ZNF713: variants seen among roughly 807,000 people sequenced by gnomAD.
ZNF713 encodes zinc finger protein 713.
In ZNF713, 21 loss-of-function variants were observed where a neutral mutation model predicts 28.7. The observed-to-expected ratio is 0.73, with a 90% CI of 0.52 to 1.05. ZNF713 has a LOEUF of 1.05. Ranked by LOEUF, ZNF713 falls within the 50% of genes least tolerant of loss-of-function variation. The pLI is 0.00. For missense variants in ZNF713, 458 were observed against 532.4 expected (o/e 0.86, Z 1.37); for synonymous variants, 167 against 178.0 (o/e 0.94, Z 0.49).
intron 4 of ZNF713, chr7:55,918,186 C>T (rs1453364468): frequency 2.2e-6 from 1 of 449,546 alleles, no homozygotes; most frequent in Non-Finnish European, 4.5e-6. Context: ...ACCCGACCAC[C>T]TTGTCAGGAG....
chr7:55,889,001 A>G (rs1266860702), intron 1 of ZNF713, among the ~76,000 whole-genome samples: 1 of 152,112 alleles, frequency 6.6e-6, no homozygotes, highest in Non-Finnish European at 1.5e-5. Context: ...GCAGTGAGCC[A>G]GTCACTGCAC....
In ZNF713 at chr7:55,887,868, C is replaced by A. The variant is rs1247323779; in HGVS notation, c.-583+188C>A. 2.6e-4 allele frequency among the ~76,000 whole-genome samples: 2 copies of A among 7,606 alleles called. 1 individual carries two copies. Among genetic ancestry groups the A allele is most frequent in the South Asian group, 9.2e-3 (2 of 218 alleles). 5.0% of individuals were successfully genotyped at this position (7,606 alleles called of 152,430 possible). On this transcript the variant is annotated intron_variant, in intron 1 of 6. Transcript: ENST00000429591. ...GGCGGCGGCGGCGGGCGGCGGGCGG[C>A]GGCGGCGGCGGCGGCGGCGGGCGGC...
intron 6 of ZNF713, among the ~76,000 whole-genome samples, chr7:55,938,020 A>G (rs1252050410): frequency 6.6e-6 from 1 of 152,174 alleles, no homozygotes; most frequent in Non-Finnish European, 1.5e-5. Context: ...CCTGGCCAAC[A>G]TGGTGAAACC....
chr7:55,894,410 G>T (rs910210566), intron 1 of ZNF713, among the ~76,000 whole-genome samples: 1 of 152,100 alleles, frequency 6.6e-6, no homozygotes, highest in Non-Finnish European at 1.5e-5. Context: ...TGGAAAAATG[G>T]ACAGATGACA....
In ZNF713 at chr7:55,939,600, C is replaced by CA. The variant is rs757622810; in HGVS notation, c.927dup (p.Gly310ArgfsTer34). The CA allele has an allele frequency of 1.1e-5, 17 of 1,614,050 alleles. No homozygotes were observed. In the South Asian group the frequency reaches 1.9e-4, roughly 18 times the overall value. Reference sequence around the variant, plus strand: ...CTCATTCAACATCAGAGAATTCACACAGGAGAAAAGCCTTTTATATGCAAT... The same window carrying CA: ...CTCATTCAACATCAGAGAATTCACACAAGGAGAAAAGCCTTTTATATGCAAT... On this transcript the variant is annotated frameshift_variant, in exon 7 of 7. Coordinates refer to ENST00000429591, the MANE Select transcript of ZNF713 (RefSeq NM_182633.3). LOFTEE classifies it high-confidence loss of function.
chr7:55,903,956 G>A (rs1785627376), intron 1 of ZNF713, among the ~76,000 whole-genome samples: 1 of 152,150 alleles, frequency 6.6e-6, no homozygotes, highest in Non-Finnish European at 1.5e-5. Context: ...AATTTTAAGT[G>A]TGGGACTGAT....
At chr7:55,919,495 T>TG (rs1785947309) in intron 4 of ZNF713, among the ~76,000 whole-genome samples, 3 of 27,514 alleles carry the variant, frequency 1.1e-4, no homozygotes, top group African/African-American at 2.1e-4. Flanking sequence ...CTCCAGTTTT[T>TG]TTTTTTTTTT....
At chr7:55,924,216 C>G (rs988244103) in intron 6 of ZNF713, 4 of 152,600 alleles carry the variant, frequency 2.6e-5, no homozygotes, top group Non-Finnish European at 5.9e-5. Flanking sequence ...CTCTTGCTCT[C>G]CTTTGTGATA....
chr7:55,919,202 A>G (rs1785938836), intron 4 of ZNF713, among the ~76,000 whole-genome samples: 1 of 152,222 alleles, frequency 6.6e-6, no homozygotes, highest in Non-Finnish European at 1.5e-5. Context: ...AAACTTTCTC[A>G]TTCACATCTG....
intron 1 of ZNF713, among the ~76,000 whole-genome samples, chr7:55,895,388 G>A (rs1415531461): frequency 6.7e-6 from 1 of 149,150 alleles, no homozygotes; most frequent in Non-Finnish European, 1.5e-5. Context: ...TGATAGAAGA[G>A]TTAGAATTAA....
intron 4 of ZNF713, among the ~76,000 whole-genome samples, 163 bp from the exon 5 acceptor site, chr7:55,922,999 G>A (rs1333568284): frequency 2.0e-5 from 3 of 152,126 alleles, no homozygotes; most frequent in Non-Finnish European, 4.4e-5. Flanking sequence ...ATGATAGAAA[G>A]GTACTAATTT....
At chr7:55,925,259 G>A (rs555744694) in intron 6 of ZNF713, among the ~76,000 whole-genome samples, 30 of 152,204 alleles carry the variant, frequency 2.0e-4, no homozygotes, top group Middle Eastern at 3.4e-3. Flanking sequence ...CAAACTCTTC[G>A]GCTTTTTCAA....
intron 4 of ZNF713, among the ~76,000 whole-genome samples, chr7:55,920,101 G>T (rs1480267806): frequency 6.6e-6 from 1 of 152,104 alleles, no homozygotes; most frequent in Non-Finnish European, 1.5e-5. Context: ...ACCCTACAAT[G>T]GCCTCTGAGC....
chr7:55,887,871 C>CGGGA lies in ZNF713; in HGVS notation c.-583+193_-583+194insGAGG, dbSNP rs1349197306. ...GGCGGCGGCGGGCGGCGGGCGGCGG[C>CGGGA]GGCGGCGGCGGCGGCGGGCGGCGGC... is the stretch of plus-strand genomic sequence containing the variant. On this transcript the variant is annotated intron_variant, in intron 1 of 6. Transcript: ENST00000429591. Among the ~76,000 whole-genome samples the CGGGA allele has an allele frequency of 4.4e-3, 12 of 2,746 alleles. 3 individuals carry two copies. Among genetic ancestry groups the CGGGA allele is most frequent in the African/African-American group, 9.0e-3 (5 of 556 alleles). 1.8% of individuals were successfully genotyped at this position (2,746 alleles called of 152,430 possible).
At chr7:55,932,932 A>G (rs1374956130) in intron 6 of ZNF713, among the ~76,000 whole-genome samples, 1 of 145,778 alleles carries the variant, frequency 6.9e-6, no homozygotes, top group Non-Finnish European at 1.5e-5. Flanking sequence ...CTAAATGTGA[A>G]TTGGTTAAAA....
At chr7:55,895,267 G>C (rs182654673) in intron 1 of ZNF713, among the ~76,000 whole-genome samples, 1 of 152,078 alleles carries the variant, frequency 6.6e-6, no homozygotes, top group Admixed American at 6.6e-5. Context: ...AAGGGAATAC[G>C]TATACCAGAA....
intron 1 of ZNF713, among the ~76,000 whole-genome samples, chr7:55,892,871 GA>G (rs1194009107): frequency 2.9e-3 from 354 of 123,598 alleles, no homozygotes; most frequent in Non-Finnish European, 3.4e-3. Flanking sequence ...AATTGTTTGG[GA>G]AAAAAAAAAA....
intron 4 of ZNF713, among the ~76,000 whole-genome samples, 186 bp downstream of exon 4, chr7:55,912,909 T>TGA (rs1273560750): frequency 6.6e-6 from 1 of 152,232 alleles, no homozygotes; most frequent in East Asian, 1.9e-4. Flanking sequence ...TCTTCCCTCC[T>TGA]TCCAGCATTT....
At chr7:55,927,940 G>A (rs910463061) in intron 6 of ZNF713, among the ~76,000 whole-genome samples, 22 of 145,556 alleles carry the variant, frequency 1.5e-4, no homozygotes, top group African/African-American at 5.7e-4. Flanking sequence ...GATGGAGCAA[G>A]GTTCTAGAAG....
Sources: allele counts gnomAD v4.1 joint callset (sites outside exome capture counted in the v4.1 genomes callset), GRCh38; gene constraint gnomAD v4.1.1; transcripts MANE v1.5; gene names NCBI Gene and HGNC (gene_info 2026-07-23, HGNC 2026-07-21).